PFKFB3: variants seen among roughly 807,000 people sequenced by gnomAD.
PFKFB3 encodes 6-phosphofructo-2-kinase/fructose-2,6-bisphosphatase 3.
Under a neutral mutation model 68.0 loss-of-function variants are expected in PFKFB3, and 33 were observed. The ratio of observed to expected loss-of-function variants is 0.49; its 90% CI spans 0.37 to 0.65. The LOEUF (loss-of-function observed/expected upper bound fraction) is 0.65, where lower values mean the gene tolerates loss of function less well. Among genes scored for constraint, PFKFB3 ranks in the 30% least tolerant of loss-of-function variants. PFKFB3 has a pLI of 0.00. For synonymous variants in PFKFB3, 315 were observed against 288.2 expected (o/e 1.09, Z -0.94); for missense variants, 586 against 712.2 (o/e 0.82, Z 2.02).
At chr10:6,321,335 T>C in the PFKFB3 span, among the ~76,000 whole-genome samples, 2 of 152,036 alleles carry the variant, frequency 1.3e-5, no homozygotes, top group Non-Finnish European at 2.9e-5. Context: ...CCATTCTCTG[T>C]TGTTTTTTTA....
intron 1 of PFKFB3, among the ~76,000 whole-genome samples, chr10:6,186,496 C>A (rs922005690): frequency 3.3e-5 from 5 of 152,214 alleles, no homozygotes; most frequent in African/African-American, 1.2e-4. Context: ...TGAAATTCAC[C>A]TTCACCTTTC....
At chr10:6,208,371 C>CTTTTTTTTTTTTTGTTT (rs1843933817) in intron 1 of PFKFB3, among the ~76,000 whole-genome samples, 1 of 60,624 alleles carries the variant, frequency 1.6e-5, no homozygotes, top group Non-Finnish European at 2.9e-5. Flanking sequence ...GGTACCTGGC[C>CTTTTTTTTTTTTTGTTT]TTTTTTTTTT....
Position 6,229,858 on chromosome 10 carries a change from A to G in PFKFB3, c.1516-3037A>G, listed in dbSNP as rs886447773. Among the ~76,000 whole-genome samples, 3 of 152,166 alleles carry G rather than the reference A, an allele frequency of 2.0e-5. No individual in the cohort carries two copies. Among genetic ancestry groups the G allele is most frequent in the African/African-American group, 7.2e-5 (3 of 41,444 alleles). ...ACTGTTCTGCCTCAGATCGTCTGGC[A>G]TTAGATTCTCTGAAGGGAACGCACA... On this transcript the variant is annotated intron_variant, in intron 14 of 14. Transcript: ENST00000379775. This position sits in a 1 kb window ranked among gnomAD's most constrained non-coding sequence, Gnocchi z 4.3.
rs561068706 is a variant in PFKFB3, at chr10:6,228,893, C to T, written c.1515+2528C>T. On this transcript the variant is annotated intron_variant, in intron 14 of 14. Transcript: ENST00000379775. This position sits in a 1 kb window ranked among gnomAD's most constrained non-coding sequence, Gnocchi z 4.5. Reference sequence around the variant, plus strand: ...CTTCTGCTCCTCCCAGAGCTCTCTGCAGAGTTTCAGGTTCAGCCTTAGCTC... The same window carrying T: ...CTTCTGCTCCTCCCAGAGCTCTCTGTAGAGTTTCAGGTTCAGCCTTAGCTC... Among the ~76,000 whole-genome samples, 1 of 152,270 alleles carries T rather than the reference C, an allele frequency of 6.6e-6. No individual in the cohort carries two copies. Among genetic ancestry groups the T allele is most frequent in the South Asian group, 2.1e-4 (1 of 4,828 alleles).
At chr10:6,193,589 C>T (rs1426108146) in intron 1 of PFKFB3, among the ~76,000 whole-genome samples, 1 of 152,172 alleles carries the variant, frequency 6.6e-6, no homozygotes, top group Non-Finnish European at 1.5e-5. Flanking sequence ...GGAGAGACTG[C>T]CAAACAGGCT....
At chr10:6,261,536 A>C in the PFKFB3 span, among the ~76,000 whole-genome samples, 1 of 152,174 alleles carries the variant, frequency 6.6e-6, no homozygotes, top group Non-Finnish European at 1.5e-5. Context: ...TTGACAGAGG[A>C]GAGTGGGAGG....
intron 1 of PFKFB3, among the ~76,000 whole-genome samples, chr10:6,195,329 A>G (rs1843148622): frequency 6.6e-6 from 1 of 152,190 alleles, no homozygotes; most frequent in Non-Finnish European, 1.5e-5. Context: ...CATCGGGTTT[A>G]TCTGGGCCTC....
rs988777068 is a variant in PFKFB3, at chr10:6,202,934, C to A, written c.-327C>A. 1.1e-5 allele frequency: 13 copies of A among 1,222,308 alleles called. No individual in the cohort carries two copies. The highest frequency in any genetic ancestry group is 1.6e-5 in the African/African-American group (1 of 61,820). 75.7% of individuals were successfully genotyped at this position (1,222,308 alleles called of 1,614,324 possible). ...GCCGGCGGTGCGCGGGGCATCCCAG[C>A]CAAGCCGGAGAGGAGGCGAGCAGCA... On this transcript the variant is annotated 5_prime_UTR_variant, in exon 1 of 15. Transcript: ENST00000379775.
chr10:6,169,987 A>G (rs1842257724), intron 1 of PFKFB3, among the ~76,000 whole-genome samples: 1 of 151,988 alleles, frequency 6.6e-6, no homozygotes, highest in Non-Finnish European at 1.5e-5. Context: ...CCTCTTGCCT[A>G]TTTGCAGTTC....
intron 1 of PFKFB3, among the ~76,000 whole-genome samples, chr10:6,180,205 A>G (rs1842669229): frequency 1.1e-5 from 1 of 87,370 alleles, no homozygotes; most frequent in Admixed American, 1.4e-4. Flanking sequence ...TGTAATTGAC[A>G]TTCTTTTTAA....
the PFKFB3 span, among the ~76,000 whole-genome samples, chr10:6,311,491 CTGGG>C: frequency 0.035 from 5,279 of 152,166 alleles, 138 homozygotes; most frequent in Middle Eastern, 0.15. Context: ...CAGTGGCTCT[CTGGG>C]CCCAGCACTC....
chr10:6,169,833 TTA>T (rs1183751847), intron 1 of PFKFB3, among the ~76,000 whole-genome samples: 2 of 152,228 alleles, frequency 1.3e-5, no homozygotes, highest in Admixed American at 6.5e-5. Flanking sequence ...GCTCCCGGTT[TTA>T]TGTTTCCCTA....
the PFKFB3 span, among the ~76,000 whole-genome samples, chr10:6,321,721 G>A: frequency 6.6e-6 from 1 of 152,168 alleles, no homozygotes; most frequent in African/African-American, 2.4e-5. Context: ...TGATTGGACT[G>A]AACTGCTGAA....
intron 14 of PFKFB3, among the ~76,000 whole-genome samples, chr10:6,240,543 C>T (rs1175277102): frequency 6.6e-6 from 1 of 152,028 alleles, no homozygotes; most frequent in African/African-American, 2.4e-5. Flanking sequence ...GGATTACAGA[C>T]GTGAGCCGCC....
At chr10:6,317,439 C>T in the PFKFB3 span, among the ~76,000 whole-genome samples, 1 of 152,166 alleles carries the variant, frequency 6.6e-6, no homozygotes, top group Non-Finnish European at 1.5e-5. Flanking sequence ...TAAATGATGA[C>T]TGAAAAGGGT....
At chr10:6,301,729 C>T in the PFKFB3 span, among the ~76,000 whole-genome samples, 1 of 152,198 alleles carries the variant, frequency 6.6e-6, no homozygotes, top group South Asian at 2.1e-4. Context: ...GTGATGGAGG[C>T]AAGTCCCAGG....
At position 6,221,484 on chromosome 10, in the gene PFKFB3, G is replaced by C. The variant is rs774521447; in HGVS notation, c.935G>C (p.Arg312Pro). 1.2e-6 allele frequency: 2 copies of C among 1,613,598 alleles called. No individual in the cohort carries two copies. The highest frequency in any genetic ancestry group is 1.7e-6 in the Non-Finnish European group (2 of 1,180,020). ...ACCATCCAGACGGCCGAGGCGCTGC[G>C]GCTGCCCTACGAGCAGTGGAAGGCG... Reference protein sequence around the residue: ...KSTIQTAEALRLPYEQWKALN... With the variant: ...KSTIQTAEALPLPYEQWKALN... Residue 312 changes from arginine (R) to proline (P), a missense_variant, in exon 9 of 15, where the codon CGG (arginine) becomes CCG (proline). Transcript: ENST00000379775.
At chr10:6,235,839 T>C (rs1156236494), downstream of PFKFB3, among the ~76,000 whole-genome samples, 28 of 151,550 alleles carry the variant, frequency 1.8e-4, no homozygotes. Context: ...CGATCTCAGC[T>C]CACTGCAACC....
At chr10:6,280,452 C>T in the PFKFB3 span, among the ~76,000 whole-genome samples, 1 of 152,212 alleles carries the variant, frequency 6.6e-6, no homozygotes. Flanking sequence ...TAGGACGGGC[C>T]AGTGGCTCTC....
Sources: gnomAD v4.1 joint callset for allele counts (sites outside exome capture counted in the v4.1 genomes callset) on GRCh38, gnomAD v4.1.1 for gene constraint, Gnocchi (gnomAD v3.1) non-coding constraint, MANE v1.5 for transcripts, NCBI Gene and HGNC (gene_info 2026-07-23, HGNC 2026-07-21) for gene names.